NUDCD3: variants seen among roughly 807,000 people sequenced by gnomAD.
The protein encoded by NUDCD3 is nudC domain-containing protein 3.
A neutral mutation model predicts 39.7 loss-of-function variants in NUDCD3; 13 were observed. The observed-to-expected ratio is 0.33, with a 90% CI of 0.21 to 0.52. The LOEUF (loss-of-function observed/expected upper bound fraction) is 0.52, where lower values mean the gene tolerates loss of function less well. Ranked by LOEUF, NUDCD3 falls within the 20% of genes least tolerant of loss-of-function variation. The pLI is 0.96. For missense variants in NUDCD3, 453 were observed against 458.1 expected, an observed-to-expected ratio of 0.99 and a Z score of 0.10; for synonymous variants, 175 against 172.4, an observed-to-expected ratio of 1.02 and a Z score of -0.12.
intron 2 of NUDCD3, among the ~76,000 whole-genome samples, chr7:44,430,773 C>CAGTG (rs1799349473): frequency 6.6e-6 from 1 of 152,196 alleles, no homozygotes; most frequent in Non-Finnish European, 1.5e-5. Context: ...TTGGCCTATA[C>CAGTG]CACCAGTGAT....
chr7:44,406,986 A>G (rs1474687397), intron 3 of NUDCD3, among the ~76,000 whole-genome samples: 1 of 152,184 alleles, frequency 6.6e-6, no homozygotes, highest in Admixed American at 6.5e-5. Flanking sequence ...CGCCCCACTG[A>G]AAGGGACAGG....
At chr7:44,468,348 GCAAA>G in intron 2 of NUDCD3, 39 of 305,436 alleles carry the variant, frequency 1.3e-4, no homozygotes, top group Non-Finnish European at 1.5e-4. Flanking sequence ...TGTAAAAACT[GCAAA>G]AAAAAAAAAA....
chr7:44,424,644 G>A (rs571204308), intron 3 of NUDCD3, among the ~76,000 whole-genome samples: 30 of 152,326 alleles, frequency 2.0e-4, no homozygotes, highest in African/African-American at 7.2e-4. Context: ...AACAACAGAT[G>A]CTGGCGAGAA....
intron 3 of NUDCD3, among the ~76,000 whole-genome samples, chr7:44,406,077 A>G (rs1798814888): frequency 1.3e-5 from 2 of 152,150 alleles, no homozygotes; most frequent in Admixed American, 1.3e-4. Flanking sequence ...GGGATGACAC[A>G]TGTGAGCCAC....
intron 2 of NUDCD3, among the ~76,000 whole-genome samples, chr7:44,429,980 G>T (rs1051453531): frequency 2.0e-5 from 3 of 152,124 alleles, no homozygotes; most frequent in Non-Finnish European, 4.4e-5. Flanking sequence ...TTTTAAGTAT[G>T]GTATGACTTT....
At chr7:44,482,647 A>T (rs1369197596) in intron 2 of NUDCD3, among the ~76,000 whole-genome samples, 3 of 152,190 alleles carry the variant, frequency 2.0e-5, no homozygotes, top group Non-Finnish European at 2.9e-5. Flanking sequence ...AACAAAACTC[A>T]ACACTCAACA....
At chr7:44,430,886 C>T (rs1799351539) in intron 2 of NUDCD3, among the ~76,000 whole-genome samples, 1 of 152,160 alleles carries the variant, frequency 6.6e-6, no homozygotes, top group African/African-American at 2.4e-5. Flanking sequence ...TGCAGTAAAG[C>T]TGTATGCTTT....
At chr7:44,390,194 G>A (rs538688978) in intron 5 of NUDCD3, among the ~76,000 whole-genome samples, 17 of 152,040 alleles carry the variant, frequency 1.1e-4, no homozygotes, top group African/African-American at 1.4e-4. Context: ...GTGAAATCCC[G>A]TCTCTACTAA....
At chr7:44,458,044 C>T (rs1799937169) in intron 2 of NUDCD3, among the ~76,000 whole-genome samples, 1 of 152,204 alleles carries the variant, frequency 6.6e-6, no homozygotes. Context: ...GTTCATAGCA[C>T]TATTCCTCAT....
chr7:44,421,351 C>G (rs1799135668), intron 3 of NUDCD3, among the ~76,000 whole-genome samples: 1 of 143,514 alleles, frequency 7.0e-6, no homozygotes, highest in East Asian at 2.0e-4. Flanking sequence ...AAAAAAAAAC[C>G]ACACACAGAC....
chr7:44,487,281 C>T (rs1055118552), intron 1 of NUDCD3, among the ~76,000 whole-genome samples: 1 of 152,066 alleles, frequency 6.6e-6, no homozygotes, highest in Non-Finnish European at 1.5e-5. Context: ...AACTCTACAC[C>T]AACACTGTAC....
chr7:44,425,450 A>G (rs1369231371), intron 3 of NUDCD3, among the ~76,000 whole-genome samples: 1 of 152,218 alleles, frequency 6.6e-6, no homozygotes, highest in Non-Finnish European at 1.5e-5. Context: ...TAAATTATGT[A>G]ATGTCCCATT....
intron 2 of NUDCD3, among the ~76,000 whole-genome samples, chr7:44,455,852 C>A (rs1799882760): frequency 6.6e-6 from 1 of 150,998 alleles, no homozygotes; most frequent in African/African-American, 2.4e-5. Context: ...CGGTGAAACC[C>A]CGTCTCTACT....
intron 2 of NUDCD3, among the ~76,000 whole-genome samples, chr7:44,474,614 C>G (rs1483314783): frequency 6.6e-6 from 1 of 152,140 alleles, no homozygotes; most frequent in African/African-American, 2.4e-5. Context: ...GTTAAGATAC[C>G]AGGTTATTTT....
chr7:44,452,068 C>A (rs544990946), intron 2 of NUDCD3, among the ~76,000 whole-genome samples: 1 of 152,306 alleles, frequency 6.6e-6, no homozygotes, highest in East Asian at 1.9e-4. Flanking sequence ...TGATTCAAAA[C>A]TAAATACAAA....
At chr7:44,488,338 G>GAAAA (rs368893785) in intron 1 of NUDCD3, among the ~76,000 whole-genome samples, 2 of 108,226 alleles carry the variant, frequency 1.8e-5, no homozygotes, top group Non-Finnish European at 1.9e-5. Flanking sequence ...CCATCTCCAG[G>GAAAA]AAAAAAAAAA....
At chr7:44,465,714 C>T (rs1486256627) in intron 2 of NUDCD3, among the ~76,000 whole-genome samples, 1 of 152,136 alleles carries the variant, frequency 6.6e-6, no homozygotes. Flanking sequence ...ACACAGTCAC[C>T]TCACTGTGTA....
At chr7:44,488,095 A>C (rs1478184136) in intron 1 of NUDCD3, among the ~76,000 whole-genome samples, 1 of 151,950 alleles carries the variant, frequency 6.6e-6, no homozygotes, top group African/African-American at 2.4e-5. Context: ...CTAGCACTTT[A>C]GGAGGCCGAG....
intron 2 of NUDCD3, among the ~76,000 whole-genome samples, chr7:44,444,124 T>C (rs1211724648): frequency 2.0e-5 from 3 of 152,180 alleles, no homozygotes; most frequent in African/African-American, 7.2e-5. Context: ...GAACAGAATT[T>C]CTGGAATGAG....
Sources: gnomAD v4.1 joint callset for allele counts (sites outside exome capture counted in the v4.1 genomes callset) on GRCh38, gnomAD v4.1.1 for gene constraint, MANE v1.5 for transcripts, NCBI Gene and HGNC (gene_info 2026-07-23, HGNC 2026-07-21) for gene names.